PPL: variants seen among roughly 807,000 people sequenced by gnomAD.
PPL encodes the protein periplakin.
In PPL, 198 loss-of-function variants were observed where a neutral mutation model predicts 194.4. The ratio of observed to expected loss-of-function variants is 1.02; its 90% confidence interval spans 0.91 to 1.15. PPL has a LOEUF of 1.15. Ranked by LOEUF, PPL falls within the 50% of genes most tolerant of loss-of-function variation. The pLI, the probability that PPL is intolerant of heterozygous loss-of-function variation, is 0.00. For synonymous variants in PPL, 1,220 were observed against 972.4 expected (o/e 1.25, Z -4.74); for missense variants, 2,885 against 2,294.8 (o/e 1.26, Z -5.25).
Position 4,883,705 on chromosome 16 carries a change from C to G in PPL, c.4950G>C (p.Arg1650=), listed in dbSNP as rs1366145884. The change falls in exon 22 of 22, where the codon CGG becomes CGC. Residue 1650 remains arginine (R), a synonymous_variant. Coordinates refer to ENST00000345988, the MANE Select transcript of PPL (RefSeq NM_002705.5). This position sits in a 1 kb window ranked among gnomAD's most constrained non-coding sequence, Gnocchi z 4.8. ...LGSVAVKREQ[R]ENHLRRSIVV... ...CGATGGAGCGCCGCAGGTGGTTCTC[C>G]CGCTGCTCCCGCTTGACGGCCACGG... 6.2e-7 allele frequency: 1 copy of G among 1,613,998 alleles called. No homozygotes were observed. The highest frequency in any genetic ancestry group is 1.3e-5 in the African/African-American group (1 of 75,050).
chr16:4,890,594 G>A, intron 17 of PPL, 134 bp downstream of exon 17: 5 of 1,129,914 alleles, frequency 4.4e-6, no homozygotes, highest in South Asian at 3.3e-5. Context: ...AGACCACAGG[G>A]CCGTCAGAGA....
intron 17 of PPL, 107 bp from the exon 18 acceptor site, chr16:4,890,441 ACCC>A: frequency 1.5e-6 from 2 of 1,350,082 alleles, no homozygotes; most frequent in Non-Finnish European, 2.0e-6. Flanking sequence ...AACCAGAAAT[ACCC>A]CAAGTATCTC....
chr16:4,926,878 C>CAAAAAAAAAAAAAAAAAAAAAAAAAAAAA (rs71402575), intron 1 of PPL, among the ~76,000 whole-genome samples: 1 of 81,752 alleles, frequency 1.2e-5, no homozygotes, highest in Admixed American at 1.7e-4. Flanking sequence ...GACTCTGTCT[C>CAAAAAAAAAAAAAAAAAAAAAAAAAAAAA]AAAAAAAAAA....
intron 1 of PPL, among the ~76,000 whole-genome samples, chr16:4,921,458 C>T (rs571925720): frequency 5.0e-4 from 76 of 152,258 alleles, no homozygotes; most frequent in African/African-American, 1.8e-3. Context: ...TCAGTAGACA[C>T]AGCCCGACCT....
intron 1 of PPL, among the ~76,000 whole-genome samples, chr16:4,933,349 GTGTT>G (rs2089250016): frequency 6.6e-6 from 1 of 152,176 alleles, no homozygotes; most frequent in Non-Finnish European, 1.5e-5. Context: ...AGGCTGCTGG[GTGTT>G]TACTGGGACC....
At chr16:4,926,657 C>T (rs1175134492) in intron 1 of PPL, among the ~76,000 whole-genome samples, 3 of 152,060 alleles carry the variant, frequency 2.0e-5, no homozygotes, top group Non-Finnish European at 2.9e-5. Context: ...GGGCAGATCA[C>T]GAGGTCAGGA....
Position 4,885,533 on chromosome 16 carries a change from A to C in PPL, c.3122T>G (p.Leu1041Arg). Reference protein sequence around the residue: ...VLLLQQRVAALAEEKSRAQEK... With the variant: ...VLLLQQRVAARAEEKSRAQEK... Reference sequence around the variant, plus strand: ...CTGCGCCCGGCTCTTCTCTTCAGCCAGGGCGGCCACACGCTGCTGCAGGAG... The same window carrying C: ...CTGCGCCCGGCTCTTCTCTTCAGCCCGGGCGGCCACACGCTGCTGCAGGAG... Residue 1041 changes from leucine to arginine, a missense_variant, in exon 22 of 22, where the codon CTG becomes CGG. Leu to Arg is a moderately radical substitution (Grantham distance 102). Transcript: ENST00000345988. This position sits in a 1 kb window ranked among gnomAD's most constrained non-coding sequence, Gnocchi z 6.3. 6.2e-7 allele frequency: 1 copy of C among 1,610,710 alleles called. No individual in the cohort carries two copies. Among genetic ancestry groups the C allele is most frequent in the Non-Finnish European group, 8.5e-7 (1 of 1,179,892 alleles).
chr16:4,886,186 T>C (rs1047240057), intron 21 of PPL, 139 bp from the exon 22 acceptor site: 4 of 1,064,462 alleles, frequency 3.8e-6, no homozygotes, highest in Non-Finnish European at 5.4e-6. Flanking sequence ...TGTAGAGTTC[T>C]AGGGTTACTT....
Position 4,883,575 on chromosome 16 carries a change from C to T in PPL, c.5080G>A (p.Asp1694Asn), listed in dbSNP as rs143852771. The change falls in exon 22 of 22, where the codon GAC (aspartate) becomes AAC (asparagine). Residue 1694 changes from aspartate to asparagine, a missense_variant. Transcript: ENST00000345988. The surrounding 1 kb of genome is among the most constrained non-coding windows in gnomAD (Gnocchi z 4.8). Reference sequence around the variant, plus strand: ...CCCTTCACTGAGATCTCCTCCCAGTCGCACTCCTGGCTTCTGAGTTTCACG... The same window carrying T: ...CCCTTCACTGAGATCTCCTCCCAGTTGCACTCCTGGCTTCTGAGTTTCACG... ...MFVKLRSQEC[D>N]WEEISVKGPN... 1.9e-4 allele frequency: 309 copies of T among 1,614,174 alleles called. 1 individual carries two copies. Among genetic ancestry groups the T allele is most frequent in the African/African-American group, 1.9e-3 (143 of 75,056 alleles).
At chr16:4,918,854 C>T (rs548279666) in intron 1 of PPL, among the ~76,000 whole-genome samples, 1 of 152,120 alleles carries the variant, frequency 6.6e-6, no homozygotes, top group Admixed American at 6.6e-5. Context: ...GGGGCAGGAA[C>T]CTGCAGGAAA....
At chr16:4,908,912 T>C (rs1209640957) in intron 2 of PPL, among the ~76,000 whole-genome samples, 1 of 152,202 alleles carries the variant, frequency 6.6e-6, no homozygotes, top group African/African-American at 2.4e-5. Flanking sequence ...ATATTATTTT[T>C]GTTATGAGGA....
At chr16:4,928,879 T>G (rs1055131288) in intron 1 of PPL, among the ~76,000 whole-genome samples, 1 of 151,392 alleles carries the variant, frequency 6.6e-6, no homozygotes, top group Non-Finnish European at 1.5e-5. Context: ...GGCGTGGTGG[T>G]GGGCGCCTGT....
chr16:4,920,589 A>G (rs2089030779), intron 1 of PPL, among the ~76,000 whole-genome samples: 1 of 152,004 alleles, frequency 6.6e-6, no homozygotes, highest in Non-Finnish European at 1.5e-5. Context: ...CAGCCTCCCG[A>G]GTAGCTGGGA....
chr16:4,925,323 A>G (rs1179554151), intron 1 of PPL, among the ~76,000 whole-genome samples: 1 of 152,162 alleles, frequency 6.6e-6, no homozygotes, highest in African/African-American at 2.4e-5. Flanking sequence ...CTCCTGAAAC[A>G]TCTGCCCTGG....
chr16:4,894,362 C>T (rs1407236908), intron 12 of PPL, 105 bp downstream of exon 12: 6 of 1,436,594 alleles, frequency 4.2e-6, no homozygotes, highest in African/African-American at 1.4e-5. Context: ...TCAGCGACCC[C>T]GCGCTCCCCA....
intron 1 of PPL, among the ~76,000 whole-genome samples, chr16:4,936,283 C>T (rs896444275): frequency 3.9e-5 from 6 of 152,214 alleles, no homozygotes; most frequent in Non-Finnish European, 8.8e-5. Flanking sequence ...CGCCCAACCT[C>T]CGCTCAGAAC....
chr16:4,933,480 G>A (rs1300994131), intron 1 of PPL, among the ~76,000 whole-genome samples: 1 of 152,104 alleles, frequency 6.6e-6, no homozygotes, highest in Non-Finnish European at 1.5e-5. Flanking sequence ...TGCAGAGCTG[G>A]GTCTTGGCCA....
chr16:4,895,848 T>C (rs2088417574), intron 9 of PPL, 132 bp from the exon 10 acceptor site: 4 of 1,295,686 alleles, frequency 3.1e-6, no homozygotes, highest in Non-Finnish European at 3.2e-6. Flanking sequence ...TGGGACCCTG[T>C]GCTGAGCCTG....
At position 4,884,057 on chromosome 16, in the gene PPL, A is replaced by T; in HGVS notation, c.4598T>A (p.Leu1533Gln). The T allele has an allele frequency of 6.2e-7, 1 of 1,613,392 alleles. No homozygotes were observed. The highest frequency in any genetic ancestry group is 2.2e-5 in the East Asian group (1 of 44,874). ...TTCCAGCCGGCTCACCTCGACGTCC[A>T]GCTCGCGCTTGCTGCGGCTCTCCTC... ...LEEESRSKRE[L>Q]DVEVSRLEAR... Residue 1533 changes from leucine (L) to glutamine (Q), a missense_variant, in exon 22 of 22, where the codon CTG becomes CAG. Coordinates refer to ENST00000345988, the MANE Select transcript of PPL (RefSeq NM_002705.5). This position sits in a 1 kb window ranked among gnomAD's most constrained non-coding sequence, Gnocchi z 5.7.
Sources: allele counts gnomAD v4.1 joint callset (sites outside exome capture counted in the v4.1 genomes callset), GRCh38; gene constraint gnomAD v4.1.1; non-coding constraint Gnocchi (gnomAD v3.1); transcripts MANE v1.5; gene names NCBI Gene and HGNC (gene_info 2026-07-23, HGNC 2026-07-21).